The following GNAI3 variants were observed in gnomAD, a reference collection of about 807,000 sequenced individuals.
GNAI3 encodes guanine nucleotide-binding protein G(i) subunit alpha-3.
In GNAI3, 12 loss-of-function variants were observed where a neutral mutation model predicts 41.8. The observed-to-expected ratio is 0.29, with a 90% CI of 0.18 to 0.47. GNAI3 has a LOEUF of 0.47. GNAI3 is among the 20% of genes least tolerant of loss of function. GNAI3 has a pLI of 1.00. For synonymous variants in GNAI3, 132 were observed against 146.5 expected (o/e 0.90, Z 0.71); for missense variants, 360 against 429.6 (o/e 0.84, Z 1.43).
intron 3 of GNAI3, 65 bp from the exon 4 acceptor site, chr1:109,579,139 G>C: frequency 7.6e-7 from 1 of 1,314,370 alleles, no homozygotes; most frequent in Non-Finnish European, 1.1e-6. Flanking sequence ...ATATTTTAAA[G>C]AGACTGTCAT....
Position 109,554,392 on chromosome 1 carries a change from A to AT in GNAI3, c.118+5564dup, listed in dbSNP as rs1028061754. Among the ~76,000 whole-genome samples the AT allele has an allele frequency of 5.6e-3, 837 of 148,922 alleles. 14 individuals carry two copies. The highest frequency in any genetic ancestry group is 0.02 in the African/African-American group (797 of 40,564). ...TTTCATCACATCCACACCAACATCT[A>AT]TTTTTTTTTTATTATGGCCATTATT... On this transcript the variant is annotated intron_variant, in intron 1 of 8. Transcript: ENST00000369851.
intron 7 of GNAI3, among the ~76,000 whole-genome samples, chr1:109,590,822 C>T (rs964223185): frequency 6.6e-6 from 1 of 152,078 alleles, no homozygotes; most frequent in African/African-American, 2.4e-5. Context: ...TGCTGCGGCC[C>T]CCAAAGTGCA....
At chr1:109,575,361 TTGTTGTATC>T (rs2101101861) in intron 3 of GNAI3, among the ~76,000 whole-genome samples, 1 of 152,098 alleles carries the variant, frequency 6.6e-6, no homozygotes, top group South Asian at 2.1e-4. Context: ...TCTGTTGTAT[TTGTTGTATC>T]TGGTAACTGG....
intron 3 of GNAI3, among the ~76,000 whole-genome samples, chr1:109,574,601 GTAT>G (rs1051884385): frequency 1.3e-5 from 2 of 152,058 alleles, no homozygotes; most frequent in Non-Finnish European, 2.9e-5. Flanking sequence ...TTAAAAAGTT[GTAT>G]TATTATAATA....
chr1:109,580,686 A>G (rs1170409002), intron 4 of GNAI3, among the ~76,000 whole-genome samples: 1 of 152,228 alleles, frequency 6.6e-6, no homozygotes, highest in African/African-American at 2.4e-5. Flanking sequence ...CAATTGTAAC[A>G]TAATGGTAAG....
intron 1 of GNAI3, among the ~76,000 whole-genome samples, chr1:109,565,240 G>A (rs1648419551): frequency 6.9e-6 from 1 of 145,428 alleles, no homozygotes; most frequent in African/African-American, 2.6e-5. Context: ...GACAGAGTGA[G>A]ACTCCGTCTC....
chr1:109,553,443 A>G (rs1397779971), intron 1 of GNAI3, among the ~76,000 whole-genome samples: 2 of 152,192 alleles, frequency 1.3e-5, no homozygotes, highest in African/African-American at 4.8e-5. Context: ...TAAACTCTAT[A>G]TTATACAGTT....
At chr1:109,579,156 T>C (rs916791525) in intron 3 of GNAI3, 48 bp from the exon 4 acceptor site, 2 of 1,485,494 alleles carry the variant, frequency 1.3e-6, no homozygotes, top group East Asian at 4.6e-5. Flanking sequence ...TCATCAAGTC[T>C]TAAAGAAATG....
At chr1:109,557,109 T>C (rs1296528091) in intron 1 of GNAI3, among the ~76,000 whole-genome samples, 1 of 152,164 alleles carries the variant, frequency 6.6e-6, no homozygotes, top group East Asian at 1.9e-4. Flanking sequence ...CTATTTTTTG[T>C]ATTTTTAGTA....
chr1:109,583,200 GGTTT>G (rs150292081), intron 5 of GNAI3, among the ~76,000 whole-genome samples: 3,552 of 152,034 alleles, frequency 0.023, 57 homozygotes, highest in Non-Finnish European at 0.033. Context: ...TGATTTTTTT[GGTTT>G]GTTTTTAAAT....
intron 1 of GNAI3, among the ~76,000 whole-genome samples, chr1:109,573,076 G>A (rs529311632): frequency 6.6e-6 from 1 of 152,246 alleles, no homozygotes; most frequent in South Asian, 2.1e-4. Flanking sequence ...AGAGGAGGTG[G>A]TGTGATATAG....
Position 109,592,028 on chromosome 1 carries a change from G to C in GNAI3, c.875-15G>C. On this transcript the variant is annotated splice_polypyrimidine_tract_variant and intron_variant, in intron 7 of 8. Transcript: ENST00000369851. The stretch of plus-strand genomic sequence containing the variant: ...TGTTACAATTTGAACTGAGAGTACT[G>C]GGTGTCCGTTTTAGGTTCCAATACA... 1 of 1,571,324 alleles carries C rather than the reference G, an allele frequency of 6.4e-7. No homozygotes were observed. Among genetic ancestry groups the C allele is most frequent in the Non-Finnish European group, 8.7e-7 (1 of 1,145,528 alleles).
intron 1 of GNAI3, among the ~76,000 whole-genome samples, chr1:109,560,710 T>C (rs1648287406): frequency 6.6e-6 from 1 of 152,184 alleles, no homozygotes. Flanking sequence ...ACCACTATGC[T>C]AGGCTAATTT....
chr1:109,596,418 A>G lies in GNAI3; in HGVS notation c.*4096A>G, dbSNP rs891496609. 5.9e-5 allele frequency: 9 copies of G among 152,208 alleles called. No individual in the cohort carries two copies. Among genetic ancestry groups the G allele is most frequent in the African/African-American group, 2.2e-4 (9 of 41,402 alleles). 9.4% of individuals were successfully genotyped at this position (152,208 alleles called of 1,614,324 possible). On this transcript the variant is annotated 3_prime_UTR_variant, in exon 9 of 9. Transcript: ENST00000369851. The stretch of plus-strand genomic sequence containing the variant: ...GCCCAGGCTGGAGTACAGTGGCACG[A>G]TCTCTGCTCACTGCAACCTTTGCCT...
At position 109,592,368 on chromosome 1, in the gene GNAI3, AC is replaced by A; in HGVS notation, c.*48del. 1.7e-6 allele frequency: 1 copy of A among 575,140 alleles called. No homozygotes were observed. Among genetic ancestry groups the A allele is most frequent in the South Asian group, 2.7e-5 (1 of 36,418 alleles). The allele number at this position is 575,140 out of a possible 1,614,324, so 35.6% of individuals were successfully genotyped here. On this transcript the variant is annotated 3_prime_UTR_variant, in exon 9 of 9. Coordinates refer to ENST00000369851, the MANE Select transcript of GNAI3 (RefSeq NM_006496.4). ...AGTTACTACAGTGTGGAGTGTTGAG[AC>A]CAGACACCTTTTGCTGTCTCATGGG...
Position 109,569,019 on chromosome 1 carries a change from C to G in GNAI3, c.119-4718C>G, listed in dbSNP as rs796666331. Among the ~76,000 whole-genome samples the G allele has an allele frequency of 3.9e-5, 6 of 152,266 alleles. 1 individual carries two copies. The highest frequency in any genetic ancestry group is 1.4e-4 in the African/African-American group (6 of 41,542). Reference sequence around the variant, plus strand: ...CCAGATAGTTTTCTAAATTAATCCTCTCCCTTTATTCTCTGCAGATTGCCT... The same window carrying G: ...CCAGATAGTTTTCTAAATTAATCCTGTCCCTTTATTCTCTGCAGATTGCCT... On this transcript the variant is annotated intron_variant, in intron 1 of 8. Transcript: ENST00000369851.
In GNAI3 at chr1:109,595,622, C is replaced by T. The variant is rs1362342769; in HGVS notation, c.*3300C>T. ...TCTTATATTCTGCTCATTATTCTCT[C>T]ATTTATAGCTGTGACATTCTTTGGA... is the stretch of plus-strand genomic sequence containing the variant. On this transcript the variant is annotated 3_prime_UTR_variant, in exon 9 of 9. Coordinates refer to ENST00000369851, the MANE Select transcript of GNAI3 (RefSeq NM_006496.4). 1.3e-5 allele frequency: 2 copies of T among 152,010 alleles called. No homozygotes were observed. The highest frequency in any genetic ancestry group is 2.4e-5 in the African/African-American group (1 of 41,386). 9.4% of individuals were successfully genotyped at this position (152,010 alleles called of 1,614,324 possible).
rs544696275 is a variant in GNAI3 at position 109,592,455 on chromosome 1, T to A, written c.*133T>A. 8.8e-5 allele frequency: 35 copies of A among 396,338 alleles called. 1 individual carries two copies. In the Admixed American group the frequency reaches 1.4e-3, roughly 15 times the overall value. The allele number at this position is 396,338 out of a possible 1,614,324, so 24.6% of individuals were successfully genotyped here. ...GCAGCATGCAGAATCTTAGCACTCT[T>A]TAGCACAATATTTTGTATTAGGGAA... On this transcript the variant is annotated 3_prime_UTR_variant, in exon 9 of 9. Coordinates refer to ENST00000369851, the MANE Select transcript of GNAI3 (RefSeq NM_006496.4).
intron 4 of GNAI3, among the ~76,000 whole-genome samples, chr1:109,580,854 A>G (rs563473493): frequency 1.3e-5 from 2 of 152,332 alleles, no homozygotes; most frequent in South Asian, 4.1e-4. Flanking sequence ...TATGCAGCAC[A>G]TGACTGTATT....
Sources: allele counts gnomAD v4.1 joint callset (sites outside exome capture counted in the v4.1 genomes callset), GRCh38; gene constraint gnomAD v4.1.1; transcripts MANE v1.5; gene names NCBI Gene and HGNC (gene_info 2026-07-23, HGNC 2026-07-21).